The following CLMP variants were observed in gnomAD, a reference collection of about 807,000 sequenced individuals.
The protein encoded by CLMP is CXADR like cell adhesion molecule, also known as CXADR-like membrane protein.
Under a neutral mutation model 45.2 loss-of-function variants are expected in CLMP, and 27 were observed. That is an observed-to-expected ratio of 0.60 (90% CI 0.44 to 0.82). The LOEUF is 0.82. CLMP is among the 40% of genes least tolerant of loss of function. CLMP has a pLI of 0.00. For missense variants in CLMP, 403 were observed against 448.4 expected, an observed-to-expected ratio of 0.90 and a Z score of 0.91; for synonymous variants, 167 against 171.4, an observed-to-expected ratio of 0.97 and a Z score of 0.20.
chr11:123,142,790 C>G (rs543718182), intron 1 of CLMP, among the ~76,000 whole-genome samples: 1 of 146,872 alleles, frequency 6.8e-6, no homozygotes, highest in African/African-American at 2.6e-5. Flanking sequence ...CTGCGCCCGG[C>G]TAATTTTTTG....
In CLMP at chr11:123,142,772, G is replaced by A. The variant is rs1008217190; in HGVS notation, c.29-44820C>T. Among the ~76,000 whole-genome samples the A allele has an allele frequency of 7.8e-5, 11 of 140,614 alleles. No individual in the cohort carries two copies. The South Asian group carries it at 1.4e-3, about 18-fold the overall frequency. 92.2% of individuals were successfully genotyped at this position (140,614 alleles called of 152,430 possible). A position where few individuals can be genotyped will look rare whatever the true frequency, so the allele number is the denominator to read the frequency against. Reference sequence around the variant, plus strand: ...CTCCCGAGTAGCTGGGACTACAGGCGCCCGCCACTGCGCCCGGCTAATTTT... The same window carrying A: ...CTCCCGAGTAGCTGGGACTACAGGCACCCGCCACTGCGCCCGGCTAATTTT... On this transcript the variant is annotated intron_variant, in intron 1 of 6. Coordinates refer to ENST00000448775, the MANE Select transcript of CLMP (RefSeq NM_024769.5).
At chr11:123,101,670 C>G (rs1441483017) in intron 1 of CLMP, among the ~76,000 whole-genome samples, 1 of 152,186 alleles carries the variant, frequency 6.6e-6, no homozygotes, top group African/African-American at 2.4e-5. Context: ...CTAAACTAAC[C>G]CTCCCTGGAT....
At chr11:123,083,060 A>G in intron 5 of CLMP, 25 bp downstream of exon 5, 1 of 1,610,964 alleles carries the variant, frequency 6.2e-7, no homozygotes. Flanking sequence ...AGAAAAATGA[A>G]ACTAAAACCT....
chr11:123,158,884 A>G (rs994945443), intron 1 of CLMP, among the ~76,000 whole-genome samples: 2 of 152,208 alleles, frequency 1.3e-5, no homozygotes, highest in Non-Finnish European at 1.5e-5. Context: ...ATATAATTGC[A>G]TCGAGGGCTT....
At chr11:123,077,472 C>T (rs1865754691) in intron 5 of CLMP, among the ~76,000 whole-genome samples, 1 of 152,166 alleles carries the variant, frequency 6.6e-6, no homozygotes, top group Non-Finnish European at 1.5e-5. Context: ...GCTGGGATTA[C>T]AGGCATGCGC....
chr11:123,120,721 T>C (rs899111240), intron 1 of CLMP, among the ~76,000 whole-genome samples: 1 of 152,202 alleles, frequency 6.6e-6, no homozygotes, highest in African/African-American at 2.4e-5. Flanking sequence ...ATACAGTGTC[T>C]TCCATTATGT....
chr11:123,098,675 A>G (rs1173515819), intron 1 of CLMP, among the ~76,000 whole-genome samples: 5 of 149,388 alleles, frequency 3.3e-5, no homozygotes. Context: ...AGCTAAGACT[A>G]TAGGCACATG....
intron 2 of CLMP, among the ~76,000 whole-genome samples, chr11:123,095,276 T>C (rs1865976361): frequency 6.6e-6 from 1 of 150,432 alleles, no homozygotes; most frequent in African/African-American, 2.5e-5. Flanking sequence ...GTGAAATTGC[T>C]AATGAGAAAA....
intron 5 of CLMP, among the ~76,000 whole-genome samples, chr11:123,081,183 A>T (rs1265448312): frequency 6.6e-6 from 1 of 151,740 alleles, no homozygotes; most frequent in Non-Finnish European, 1.5e-5. Context: ...AAAACCAACA[A>T]CAAAAAAAAA....
chr11:123,120,892 C>T (rs1296703974), intron 1 of CLMP, among the ~76,000 whole-genome samples: 1 of 151,906 alleles, frequency 6.6e-6, no homozygotes, highest in Non-Finnish European at 1.5e-5. Flanking sequence ...TTTGGGAGGC[C>T]GAGGTGGGAG....
chr11:123,136,389 A>G, intron 1 of CLMP: 3 of 513,504 alleles, frequency 5.8e-6, no homozygotes, highest in Non-Finnish European at 1.1e-5. Context: ...TTGCCATGAT[A>G]CCGCCGGTGG....
rs1438911932 is a variant in CLMP, at chr11:123,083,798, TC to T, written c.437del (p.Gly146GlufsTer4). 1 of 1,613,848 alleles carries T rather than the reference TC, an allele frequency of 6.2e-7. No homozygotes were observed. Among genetic ancestry groups the T allele is most frequent in the African/African-American group, 1.3e-5 (1 of 75,042 alleles). ...ACTCACACTGCAAAGTCAGGTCACT[TC>T]CTTCTGTCAGCTCTCCTTCCAACTC... ...KCELEGELTEGSDLTLQCESS... is the reference protein window; with the variant it reads ...KCELEGELTEXSDLTLQCESS... On this transcript the variant is annotated frameshift_variant, in exon 4 of 7. Transcript: ENST00000448775. LOFTEE classifies it high-confidence loss of function.
At chr11:123,148,753 T>C (rs1235043186) in intron 1 of CLMP, among the ~76,000 whole-genome samples, 1 of 152,206 alleles carries the variant, frequency 6.6e-6, no homozygotes, top group Admixed American at 6.5e-5. Flanking sequence ...ACATTTACAG[T>C]GGGAAGCTAG....
At chr11:123,106,667 G>A (rs939120442) in intron 1 of CLMP, among the ~76,000 whole-genome samples, 1 of 152,122 alleles carries the variant, frequency 6.6e-6, no homozygotes, top group Admixed American at 6.6e-5. Flanking sequence ...ATGCATGAAA[G>A]TGTCTAGCAC....
At chr11:123,087,726 C>T (rs1253082137) in intron 2 of CLMP, among the ~76,000 whole-genome samples, 1 of 151,280 alleles carries the variant, frequency 6.6e-6, no homozygotes. Context: ...GAGGCTGAGG[C>T]AGAAGAATCG....
chr11:123,179,438 G>T (rs1254872291), intron 1 of CLMP, among the ~76,000 whole-genome samples: 1 of 152,178 alleles, frequency 6.6e-6, no homozygotes, highest in Non-Finnish European at 1.5e-5. Flanking sequence ...GGGAAGGGTG[G>T]AGTCCACACA....
chr11:123,083,260 TTA>T, intron 4 of CLMP, 53 bp from the exon 5 acceptor site: 1 of 1,553,336 alleles, frequency 6.4e-7, no homozygotes, highest in Admixed American at 1.8e-5. Flanking sequence ...GTATCTATAT[TTA>T]TTGTTTACTT....
intron 1 of CLMP, among the ~76,000 whole-genome samples, chr11:123,160,996 G>T (rs1459812758): frequency 6.6e-6 from 1 of 150,532 alleles, no homozygotes; most frequent in East Asian, 1.9e-4. Flanking sequence ...AAAAAAAAAG[G>T]TGACAAGAAA....
intron 1 of CLMP, among the ~76,000 whole-genome samples, chr11:123,123,095 C>T (rs1305231451): frequency 1.3e-5 from 2 of 151,988 alleles, no homozygotes; most frequent in African/African-American, 4.8e-5. Flanking sequence ...CTTTCGCTTT[C>T]TCTGTGGTCT....
Sources: allele counts gnomAD v4.1 joint callset (sites outside exome capture counted in the v4.1 genomes callset), GRCh38; gene constraint gnomAD v4.1.1; transcripts MANE v1.5; gene names NCBI Gene and HGNC (gene_info 2026-07-23, HGNC 2026-07-21).